The following CALN1 variants were observed in gnomAD, a reference collection of about 807,000 sequenced individuals.
CALN1 encodes calneuron 1, also known as calcium-binding protein 8.
In CALN1, 17 loss-of-function variants were observed where a neutral mutation model predicts 30.6. That is an observed-to-expected ratio of 0.56 (90% CI 0.38 to 0.83). The LOEUF is 0.83. CALN1 is among the 40% of genes least tolerant of loss of function. CALN1 has a pLI of 0.00. For synonymous variants in CALN1, 156 were observed against 131.4 expected, an observed-to-expected ratio of 1.19 and a Z score of -1.28; for missense variants, 291 against 354.9, an observed-to-expected ratio of 0.82 and a Z score of 1.45.
intron 4 of CALN1, among the ~76,000 whole-genome samples, chr7:72,063,213 G>A (rs549591172): frequency 6.6e-6 from 1 of 152,120 alleles, no homozygotes; most frequent in African/African-American, 2.4e-5. Context: ...TTCACAGAAC[G>A]GTACACCCTC....
At chr7:72,274,220 T>C (rs1256110370) in intron 3 of CALN1, among the ~76,000 whole-genome samples, 1 of 152,094 alleles carries the variant, frequency 6.6e-6, no homozygotes, top group Non-Finnish European at 1.5e-5. Flanking sequence ...TAAGATAGCA[T>C]TACAAGGCCA....
intron 3 of CALN1, among the ~76,000 whole-genome samples, chr7:72,276,754 A>C (rs1797356972): frequency 6.6e-6 from 1 of 152,176 alleles, no homozygotes; most frequent in South Asian, 2.1e-4. Flanking sequence ...CCCTCACCAG[A>C]TACCAGTGCT....
chr7:72,210,208 C>T (rs551590310), intron 3 of CALN1, among the ~76,000 whole-genome samples: 7 of 152,214 alleles, frequency 4.6e-5, no homozygotes, highest in Middle Eastern at 3.4e-3. Context: ...TTCTCCAGAA[C>T]GGCCTCCCCT....
upstream of CALN1, among the ~76,000 whole-genome samples, chr7:72,413,733 C>A (rs538381253): frequency 1.3e-5 from 2 of 151,956 alleles, no homozygotes; most frequent in Non-Finnish European, 2.9e-5. Context: ...TATACACACA[C>A]GCACAGCACA....
chr7:72,172,214 T>C (rs1789021018), intron 3 of CALN1, among the ~76,000 whole-genome samples: 1 of 152,244 alleles, frequency 6.6e-6, no homozygotes, highest in Admixed American at 6.5e-5. Context: ...TCAGACTCCC[T>C]GTCCACCTCT....
At chr7:72,118,621 A>C (rs866713858) in intron 3 of CALN1, among the ~76,000 whole-genome samples, 1 of 152,232 alleles carries the variant, frequency 6.6e-6, no homozygotes, top group Non-Finnish European at 1.5e-5. Context: ...AGAAACAAAC[A>C]AAGAAAGCCC....
chr7:72,193,073 A>G (rs1221100054), intron 3 of CALN1, among the ~76,000 whole-genome samples: 1 of 151,996 alleles, frequency 6.6e-6, no homozygotes, highest in Non-Finnish European at 1.5e-5. Flanking sequence ...CTCTAGTCCC[A>G]GCTACTTGGG....
the CALN1 span, among the ~76,000 whole-genome samples, chr7:72,497,311 G>A: frequency 2.0e-5 from 3 of 152,070 alleles, no homozygotes; most frequent in Admixed American, 1.3e-4. Flanking sequence ...GTGGTGGCAC[G>A]CATCTGTAAT....
chr7:72,425,005 C>A (rs1450478695), intron 1 of CALN1, among the ~76,000 whole-genome samples: 3 of 152,118 alleles, frequency 2.0e-5, no homozygotes, highest in Non-Finnish European at 4.4e-5. Flanking sequence ...CACAGTGATA[C>A]AATCAATCCA....
chr7:72,360,667 A>G (rs543314728), intron 2 of CALN1, among the ~76,000 whole-genome samples: 25 of 148,490 alleles, frequency 1.7e-4, no homozygotes, highest in African/African-American at 5.7e-4. Flanking sequence ...GATTTGTTAC[A>G]TATGTATGTA....
At chr7:71,847,750 AAAGAAGAAAGAAGAAG>A (rs1238300353) in intron 5 of CALN1, among the ~76,000 whole-genome samples, 16 of 125,216 alleles carry the variant, frequency 1.3e-4, no homozygotes, top group Non-Finnish European at 1.8e-4. Flanking sequence ...AAAGAAGAAG[AAAGAAGAAAGAAGAAG>A]AAGAAGAAAG....
chr7:72,125,612 A>T (rs1808695764), intron 3 of CALN1, among the ~76,000 whole-genome samples: 1 of 152,118 alleles, frequency 6.6e-6, no homozygotes, highest in African/African-American at 2.4e-5. Context: ...GTGTTTTAAA[A>T]TTTTATTTCA....
At position 71,786,872 on chromosome 7, in the gene CALN1, A is replaced by C. The variant is rs1257694197; in HGVS notation, c.*903T>G. The C allele has an allele frequency of 6.6e-6, 1 of 152,556 alleles. No homozygotes were observed. The highest frequency in any genetic ancestry group is 6.5e-5 in the Admixed American group (1 of 15,270). 9.5% of individuals were successfully genotyped at this position (152,556 alleles called of 1,614,324 possible). On this transcript the variant is annotated 3_prime_UTR_variant, in exon 7 of 7. Coordinates refer to ENST00000395275, the MANE Select transcript of CALN1 (RefSeq NM_031468.4). ...AACCTGCCTCACCCCTGCCCCAAAG[A>C]AGCAGGGATGAGTGTGGGAGGGAGG...
intron 2 of CALN1, among the ~76,000 whole-genome samples, chr7:72,297,349 C>G (rs1798936203): frequency 6.6e-6 from 1 of 151,916 alleles, no homozygotes; most frequent in Non-Finnish European, 1.5e-5. Context: ...AATTAGAAAA[C>G]AGATAATTTG....
intron 5 of CALN1, among the ~76,000 whole-genome samples, chr7:71,919,807 A>C (rs1233932611): frequency 6.6e-6 from 1 of 152,230 alleles, no homozygotes; most frequent in Non-Finnish European, 1.5e-5. Context: ...TCTGGTATAA[A>C]GTTACCAGTG....
chr7:72,401,362 G>A (rs1205148214), intron 2 of CALN1, among the ~76,000 whole-genome samples: 1 of 151,908 alleles, frequency 6.6e-6, no homozygotes, highest in Non-Finnish European at 1.5e-5. Flanking sequence ...CCCTCCTCTG[G>A]CCCCACCCGA....
chr7:72,332,515 C>T (rs1262547756), intron 2 of CALN1, among the ~76,000 whole-genome samples: 2 of 151,792 alleles, frequency 1.3e-5, no homozygotes, highest in Non-Finnish European at 2.9e-5. Context: ...AATTGAGCCC[C>T]ACCTCCAAAG....
At chr7:71,962,192 A>G (rs1236157102) in intron 5 of CALN1, among the ~76,000 whole-genome samples, 2 of 151,702 alleles carry the variant, frequency 1.3e-5, no homozygotes, top group Non-Finnish European at 2.9e-5. Flanking sequence ...CAGGAGTTTG[A>G]GACCAGCTTG....
intron 5 of CALN1, among the ~76,000 whole-genome samples, chr7:71,918,606 C>T (rs957302683): frequency 6.6e-6 from 1 of 152,132 alleles, no homozygotes; most frequent in Non-Finnish European, 1.5e-5. Flanking sequence ...TGGCACTAGG[C>T]CTGAAATTCT....
Sources: gnomAD v4.1 joint callset for allele counts (sites outside exome capture counted in the v4.1 genomes callset) on GRCh38, gnomAD v4.1.1 for gene constraint, MANE v1.5 for transcripts, NCBI Gene and HGNC (gene_info 2026-07-23, HGNC 2026-07-21) for gene names.